The following MTG2 variants were observed in gnomAD, a reference collection of about 807,000 sequenced individuals.
MTG2 encodes the protein mitochondrial ribosome associated GTPase 2, also known as mitochondrial ribosome-associated GTPase 2.
Under a neutral mutation model 28.6 loss-of-function variants are expected in MTG2, and 23 were observed. The ratio of observed to expected loss-of-function variants is 0.80; its 90% confidence interval spans 0.58 to 1.14. The LOEUF is 1.14. Ranked by LOEUF, MTG2 falls within the 50% of genes most tolerant of loss-of-function variation. The pLI, the probability that MTG2 is intolerant of heterozygous loss-of-function variation, is 0.00. For missense variants in MTG2, 539 were observed against 552.0 expected, an observed-to-expected ratio of 0.98 and a Z score of 0.24; for synonymous variants, 260 against 251.8, an observed-to-expected ratio of 1.03 and a Z score of -0.31.
At chr20:62,196,192 T>C (rs542788884) in intron 3 of MTG2, among the ~76,000 whole-genome samples, 118 of 151,252 alleles carry the variant, frequency 7.8e-4, no homozygotes, top group Non-Finnish European at 1.4e-3. Flanking sequence ...CCTCAAGGTT[T>C]GTGGATCTAC....
intron 1 of MTG2, among the ~76,000 whole-genome samples, chr20:62,186,405 G>T (rs770121381): frequency 3.3e-5 from 5 of 151,758 alleles, no homozygotes; most frequent in East Asian, 3.9e-4. Context: ...CATAAATGGG[G>T]TTTTTTCTTA....
chr20:62,199,760 TCTC>T (rs1405773247), intron 6 of MTG2, among the ~76,000 whole-genome samples: 1 of 139,922 alleles, frequency 7.1e-6, no homozygotes, highest in Non-Finnish European at 1.5e-5. Context: ...AGTGGTGCGA[TCTC>T]AGCTCACTGC....
intron 6 of MTG2, among the ~76,000 whole-genome samples, chr20:62,200,435 C>T (rs376400673): frequency 1.1e-4 from 17 of 152,298 alleles, no homozygotes; most frequent in African/African-American, 3.9e-4. Flanking sequence ...ATAGATCCAT[C>T]GCCACGCTGG....
At chr20:62,197,395 TAA>T (rs10625260) in intron 3 of MTG2, 2 of 148,604 alleles carry the variant, frequency 1.3e-5, no homozygotes, top group South Asian at 2.1e-4. Flanking sequence ...AGACTCTGTC[TAA>T]AAAAAAAAAG....
At chr20:62,196,987 G>T (rs1452570790) in intron 3 of MTG2, among the ~76,000 whole-genome samples, 2 of 151,474 alleles carry the variant, frequency 1.3e-5, no homozygotes, top group Non-Finnish European at 2.9e-5. Context: ...AGCTGAGATC[G>T]TGCCATTGCA....
intron 4 of MTG2, chr20:62,198,245 C>T: frequency 1.9e-6 from 1 of 519,790 alleles, no homozygotes; most frequent in Non-Finnish European, 3.5e-6. Flanking sequence ...GGCACGGACG[C>T]TTCCTCCGTC....
rs756900548 is a variant in MTG2 at position 62,198,666 on chromosome 20, C to T, written c.501C>T (p.Gly167=). The part of the protein sequence containing the change: ...VPVGTLVKEG[G]RVVADLSCVG... ...TGGGCACGCTGGTGAAGGAGGGAGG[C>T]AGAGTTGTGGCCGACCTGTCTTGCG... is the stretch of plus-strand genomic sequence containing the variant. The change falls in exon 5 of 7, where the codon GGC becomes GGT. Residue 167 remains glycine (G), a synonymous_variant. Coordinates refer to ENST00000370823, the MANE Select transcript of MTG2 (RefSeq NM_015666.4). 1 of 1,614,066 alleles carries T rather than the reference C, an allele frequency of 6.2e-7. No individual in the cohort carries two copies. Among genetic ancestry groups the T allele is most frequent in the East Asian group, 2.2e-5 (1 of 44,884 alleles).
chr20:62,196,620 C>T (rs1420910851), intron 3 of MTG2, among the ~76,000 whole-genome samples: 2 of 151,780 alleles, frequency 1.3e-5, no homozygotes, highest in Non-Finnish European at 2.9e-5. Flanking sequence ...CAGTGAGCTC[C>T]GATTGTGCTG....
intron 1 of MTG2, among the ~76,000 whole-genome samples, chr20:62,187,362 T>C (rs796911893): frequency 5.9e-5 from 9 of 152,364 alleles, no homozygotes; most frequent in African/African-American, 2.2e-4. Flanking sequence ...ATGAGTTGGA[T>C]AGTGATCTCA....
Position 62,198,729 on chromosome 20 carries a change from A to G in MTG2, c.564A>G (p.Gly188=). The G allele has an allele frequency of 6.2e-7, 1 of 1,614,134 alleles. No homozygotes were observed. ...ACATTGCCGCGCTGGGCGGGGCAGG[A>G]GGGAAAGGCAACCGCTTCTTCCTGG... is the stretch of plus-strand genomic sequence containing the variant. ...DEYIAALGGA[G]GKGNRFFLAN... is the part of the protein sequence containing the mutation. The change falls in exon 5 of 7, where the codon GGA becomes GGG. Residue 188 remains glycine, a synonymous_variant. Transcript: ENST00000370823.
At chr20:62,186,731 G>T (rs987641534) in intron 1 of MTG2, among the ~76,000 whole-genome samples, 1 of 151,958 alleles carries the variant, frequency 6.6e-6, no homozygotes, top group African/African-American at 2.4e-5. Context: ...GTTTCACCAT[G>T]TTGGCCACGC....
At chr20:62,197,055 TA>T (rs916895653) in intron 3 of MTG2, among the ~76,000 whole-genome samples, 178 of 148,354 alleles carry the variant, frequency 1.2e-3, no homozygotes, top group African/African-American at 4.1e-3. Context: ...ACATAAAACA[TA>T]AAAAAAAAAT....
In MTG2 at chr20:62,198,075, T is replaced by G. The variant is rs915685275; in HGVS notation, c.468+108T>G. The G allele has an allele frequency of 3.5e-5, 29 of 828,736 alleles. No individual in the cohort carries two copies. The African/African-American group carries it at 4.6e-4, about 13-fold the overall frequency. The allele number at this position is 828,736 out of a possible 1,614,324, so 51.3% of individuals were successfully genotyped here. A position where few individuals can be genotyped will look rare whatever the true frequency, so the allele number is the denominator to read the frequency against. On this transcript the variant is annotated intron_variant, in intron 4 of 6. Transcript: ENST00000370823. ...GCCCCTGTGGCTTGATGCCCACAGC[T>G]AGGAAACAGCACAATGGAAACGGAG... is the stretch of plus-strand genomic sequence containing the variant.
rs111585229 is a variant in MTG2 at position 62,184,475 on chromosome 20, C to G, written c.-6+1418C>G. Among the ~76,000 whole-genome samples the G allele has an allele frequency of 3.9e-5, 6 of 152,320 alleles. 1 individual carries two copies. The highest frequency in any genetic ancestry group is 1.4e-4 in the African/African-American group (6 of 41,568). On this transcript the variant is annotated intron_variant, in intron 1 of 6. Transcript: ENST00000370823. ...AGGTTAATGACAGTTGGTCCTTTAG[C>G]CTGGAACTGGTGGCAGTGGAGTTTC...
At chr20:62,184,202 CA>C (rs1196426343) in intron 1 of MTG2, among the ~76,000 whole-genome samples, 9 of 152,070 alleles carry the variant, frequency 5.9e-5, no homozygotes, top group South Asian at 4.1e-4. Flanking sequence ...ACTAAAAATA[CA>C]AAAAAGTAGC....
At chr20:62,186,630 G>C (rs1290632811) in intron 1 of MTG2, among the ~76,000 whole-genome samples, 1 of 149,264 alleles carries the variant, frequency 6.7e-6, no homozygotes, top group South Asian at 2.1e-4. Flanking sequence ...CCAGGTTCAA[G>C]CGATTCTCCT....
Position 62,200,859 on chromosome 20 carries a change from CTG to C in MTG2, c.1005_1006del (p.Ser336CysfsTer12). 1 of 1,614,034 alleles carries C rather than the reference CTG, an allele frequency of 6.2e-7. No individual in the cohort carries two copies. The highest frequency in any genetic ancestry group is 8.5e-7 in the Non-Finnish European group (1 of 1,180,050). The stretch of plus-strand genomic sequence containing the variant: ...TGAACTGGAGATGTATGAAAAGGGC[CTG>C]TCTGCGAGGCCCCACGCAATCGTCG... ...KYELEMYEKG[L>X]SARPHAIVAN... On this transcript the variant is annotated frameshift_variant, in exon 7 of 7. Transcript: ENST00000370823. LOFTEE classifies it low-confidence loss of function (END_TRUNC).
chr20:62,193,132 T>C (rs564169092), intron 1 of MTG2, among the ~76,000 whole-genome samples: 5 of 152,346 alleles, frequency 3.3e-5, no homozygotes, highest in African/African-American at 9.6e-5. Flanking sequence ...GAGCGGAACC[T>C]TGCTATTCCA....
intron 1 of MTG2, among the ~76,000 whole-genome samples, chr20:62,191,550 C>T (rs1301074119): frequency 2.6e-5 from 4 of 152,056 alleles, no homozygotes; most frequent in Non-Finnish European, 5.9e-5. Flanking sequence ...AGATAGTGAC[C>T]CCCCCAAAGG....
Sources: allele counts gnomAD v4.1 joint callset (sites outside exome capture counted in the v4.1 genomes callset), GRCh38; gene constraint gnomAD v4.1.1; transcripts MANE v1.5; gene names NCBI Gene and HGNC (gene_info 2026-07-23, HGNC 2026-07-21).